PARP9: variants seen among roughly 807,000 people sequenced by gnomAD.
PARP9 encodes protein mono-ADP-ribosyltransferase PARP9.
In PARP9, 48 loss-of-function variants were observed where a neutral mutation model predicts 68.8. The ratio of observed to expected loss-of-function variants is 0.70; its 90% confidence interval spans 0.55 to 0.89. The LOEUF is 0.89. Among genes scored for constraint, PARP9 ranks in the 40% least tolerant of loss-of-function variants. The probability of loss-of-function intolerance (pLI) is 0.00; values close to 1 mark genes in which losing one functional copy is unlikely to be tolerated. For synonymous variants in PARP9, 309 were observed against 333.8 expected (o/e 0.93, Z 0.81); for missense variants, 806 against 969.3 (o/e 0.83, Z 2.24).
chr3:122,535,662 T>C, intron 10 of PARP9: 1 of 986,456 alleles, frequency 1.0e-6, no homozygotes, highest in Non-Finnish European at 1.2e-6. Flanking sequence ...ATGAAGAGGA[T>C]CTTAAGATGT....
intron 6 of PARP9, among the ~76,000 whole-genome samples, chr3:122,549,295 C>A (rs1469468094): frequency 6.6e-6 from 1 of 152,140 alleles, no homozygotes; most frequent in East Asian, 1.9e-4. Flanking sequence ...GGATTACAGG[C>A]GTGAGCCACC....
At chr3:122,538,570 C>G (rs1466585216) in intron 8 of PARP9, among the ~76,000 whole-genome samples, 2 of 151,738 alleles carry the variant, frequency 1.3e-5, no homozygotes, top group African/African-American at 4.8e-5. Context: ...TGCCATCGTG[C>G]GGCAGAGCAA....
intron 6 of PARP9, chr3:122,545,837 T>C (rs1473726263): frequency 1.3e-5 from 3 of 229,512 alleles, no homozygotes; most frequent in African/African-American, 2.3e-5. Context: ...AGAAGAAAAC[T>C]ATAGGTAACT....
At chr3:122,529,909 ATCTGGGCC>A (rs1432031993) in intron 10 of PARP9, among the ~76,000 whole-genome samples, 1 of 151,814 alleles carries the variant, frequency 6.6e-6, no homozygotes, top group African/African-American at 2.4e-5. Flanking sequence ...AAAATATGTC[ATCTGGGCC>A]CGGTGGTACA....
chr3:122,562,173 C>CTTTTCTTTTCTT (rs2080271638), intron 1 of PARP9, among the ~76,000 whole-genome samples: 1 of 134,182 alleles, frequency 7.5e-6, no homozygotes, highest in African/African-American at 3.0e-5. Flanking sequence ...CTTTTCTTTT[C>CTTTTCTTTTCTT]TTTTCTTTTC....
rs577375712 is a variant in PARP9, at chr3:122,550,498, A to T, written c.1326+86T>A. 77 of 1,120,298 alleles carry T rather than the reference A, an allele frequency of 6.9e-5. No homozygotes were observed. In the African/African-American group the frequency reaches 1.0e-3, roughly 15 times the overall value. 69.4% of individuals were successfully genotyped at this position (1,120,298 alleles called of 1,614,324 possible). A position where few individuals can be genotyped will look rare whatever the true frequency, so the allele number is the denominator to read the frequency against. On this transcript the variant is annotated intron_variant, in intron 6 of 10. Transcript: ENST00000682323. ...CAGCACCTAGCCCTGCATCCCCTGC[A>T]TCTTACATTGTAGATACTAAACAGA...
At chr3:122,543,561 G>A (rs1051677936) in intron 7 of PARP9, among the ~76,000 whole-genome samples, 2 of 152,108 alleles carry the variant, frequency 1.3e-5, no homozygotes, top group Non-Finnish European at 2.9e-5. Flanking sequence ...ACAGGCGTAA[G>A]CCACGGTGCC....
rs541149256 is a variant in PARP9 at position 122,554,713 on chromosome 3, G to A, written c.885+573C>T. ...GCTGGTATTCAAATCCAGATGGCCTGGCACTGAATGCTATATTATTATTAT... is the reference window on the plus strand; with the variant it reads ...GCTGGTATTCAAATCCAGATGGCCTAGCACTGAATGCTATATTATTATTAT... On this transcript the variant is annotated intron_variant, in intron 4 of 10. Coordinates refer to ENST00000682323, the MANE Select transcript of PARP9 (RefSeq NM_001146105.2). Among the ~76,000 whole-genome samples the A allele has an allele frequency of 3.0e-4, 45 of 152,228 alleles. No individual in the cohort carries two copies. The South Asian group carries it at 9.3e-3, about 32-fold the overall frequency.
Position 122,564,248 on chromosome 3 carries a change from G to A in PARP9, c.-93C>T, listed in dbSNP as rs28372690. On this transcript the variant is annotated 5_prime_UTR_variant, in exon 1 of 11. Transcript: ENST00000682323. ...CAGAGGCACCGGACCTACTCACCCG[G>A]CAGGCCGCTCTCCTCGGTGCAGACA... 0.14 allele frequency: 99,490 copies of A among 711,872 alleles called. 8,084 individuals carry two copies. The highest frequency in any genetic ancestry group is 0.34 in the East Asian group (10,098 of 29,836). The allele number at this position is 711,872 out of a possible 1,614,324, so 44.1% of individuals were successfully genotyped here.
At position 122,556,141 on chromosome 3, in the gene PARP9, TAAAAAAAA is replaced by T. The variant is rs745677021; in HGVS notation, c.50-28_50-21del. The T allele has an allele frequency of 8.3e-4, 174 of 210,138 alleles. 1 individual carries two copies. Among genetic ancestry groups the T allele is most frequent in the East Asian group, 1.1e-3 (15 of 13,948 alleles). The allele number at this position is 210,138 out of a possible 1,614,324, so 13.0% of individuals were successfully genotyped here. ...CAGTCTCTGGAAAAGAAGAGAAGATTAAAAAAAAAAAAAAAAAAAAAAAAAAAAAAAAG... is the reference window on the plus strand; with the variant it reads ...CAGTCTCTGGAAAAGAAGAGAAGATTAAAAAAAAAAAAAAAAAAAAAAAAG... On this transcript the variant is annotated intron_variant, in intron 3 of 10. Coordinates refer to ENST00000682323, the MANE Select transcript of PARP9 (RefSeq NM_001146105.2).
chr3:122,536,923 G>A lies in PARP9; in HGVS notation c.1905+11C>T. 1 of 1,596,358 alleles carries A rather than the reference G, an allele frequency of 6.3e-7. No homozygotes were observed. Among genetic ancestry groups the A allele is most frequent in the South Asian group, 1.2e-5 (1 of 86,948 alleles). ...CAAAATGAGCCAAATCTTCCCCTTT[G>A]TTAGGTATACCTTTAGAACCTGCAA... On this transcript the variant is annotated intron_variant, in intron 9 of 10. Transcript: ENST00000682323.
At chr3:122,557,701 T>G (rs1209426226) in intron 3 of PARP9, among the ~76,000 whole-genome samples, 2 of 152,182 alleles carry the variant, frequency 1.3e-5, no homozygotes, top group African/African-American at 4.8e-5. Context: ...TCCGGCTTCC[T>G]CTCTTTACCT....
chr3:122,550,537 A>G (rs752628019), intron 6 of PARP9, 47 bp downstream of exon 6: 4 of 1,360,432 alleles, frequency 2.9e-6, no homozygotes, highest in Non-Finnish European at 3.1e-6. Flanking sequence ...TGCTGAATGA[A>G]TGAATGAATG....
intron 10 of PARP9, chr3:122,535,573 G>C (rs1192895853): frequency 1.0e-6 from 1 of 985,072 alleles, no homozygotes; most frequent in African/African-American, 1.7e-5. Context: ...GGAGTAGAGG[G>C]GGCAATATAA....
upstream of PARP9, chr3:122,564,609 G>T: frequency 1.3e-6 from 2 of 1,589,932 alleles, no homozygotes. Flanking sequence ...TCAGTGAAAG[G>T]GCAGGTGAGC....
intron 6 of PARP9, among the ~76,000 whole-genome samples, chr3:122,548,694 A>G (rs959283993): frequency 1.3e-5 from 2 of 152,190 alleles, no homozygotes; most frequent in African/African-American, 4.8e-5. Context: ...AAAAGCTGAG[A>G]TGAAGTGCAC....
chr3:122,539,143 T>G (rs1210727203), intron 8 of PARP9, among the ~76,000 whole-genome samples: 1 of 152,218 alleles, frequency 6.6e-6, no homozygotes, highest in East Asian at 1.9e-4. Context: ...TTCACGTGAT[T>G]TATAAGGTCT....
At chr3:122,539,575 T>TTCTTTCTTTCTTTCTTTC (rs2078019081) in intron 8 of PARP9, among the ~76,000 whole-genome samples, 1 of 108,306 alleles carries the variant, frequency 9.2e-6, no homozygotes, top group African/African-American at 3.8e-5. Context: ...TTCTTTTTTT[T>TTCTTTCTTTCTTTCTTTC]TTGAGACAGA....
intron 10 of PARP9, 139 bp downstream of exon 10, chr3:122,536,029 G>A: frequency 6.5e-7 from 1 of 1,541,310 alleles, no homozygotes; most frequent in Non-Finnish European, 8.8e-7. Flanking sequence ...TGTGACCTGG[G>A]TCATCATTTG....
Sources: gnomAD v4.1 joint callset for allele counts (sites outside exome capture counted in the v4.1 genomes callset) on GRCh38, gnomAD v4.1.1 for gene constraint, MANE v1.5 for transcripts, NCBI Gene and HGNC (gene_info 2026-07-23, HGNC 2026-07-21) for gene names.